Variants in ZNF341 observed in about 807,000 individuals in gnomAD.
ZNF341 encodes the protein zinc finger protein 341.
Under a neutral mutation model 87.7 loss-of-function variants are expected in ZNF341, and 52 were observed. That is an observed-to-expected ratio of 0.59 (90% confidence interval 0.47 to 0.75). ZNF341 has a LOEUF of 0.75. ZNF341 is among the 30% of genes least tolerant of loss of function. The probability of loss-of-function intolerance (pLI) is 0.00; values close to 1 mark genes in which losing one functional copy is unlikely to be tolerated. For missense variants in ZNF341, 977 were observed against 1,145.9 expected (o/e 0.85, Z 2.13); for synonymous variants, 459 against 472.7 (o/e 0.97, Z 0.38).
Position 33,770,234 on chromosome 20 carries a change from C to A in ZNF341, c.1564C>A (p.Gln522Lys), listed in dbSNP as rs904052265. 6.2e-7 allele frequency: 1 copy of A among 1,613,616 alleles called. No individual in the cohort carries two copies. The highest frequency in any genetic ancestry group is 8.5e-7 in the Non-Finnish European group (1 of 1,179,818). ...CTCGCTGTACGACCTGGGCGTGCAC[C>A]AGTACTCCCACAGCCTCCTGCCACA... ...FPSLYDLGVH[Q>K]YSHSLLPQHS... The change falls in exon 10 of 15, where the codon CAG becomes AAG. Residue 522 changes from glutamine to lysine, a missense_variant. This residue lies in a region of ZNF341 where 241 missense variants were observed against 335.0 expected (regional missense o/e 0.72). Coordinates refer to ENST00000375200, the MANE Select transcript of ZNF341 (RefSeq NM_001282933.2).
chr20:33,748,335 G>T (rs1310819324), intron 3 of ZNF341, among the ~76,000 whole-genome samples: 2 of 152,214 alleles, frequency 1.3e-5, no homozygotes, highest in African/African-American at 2.4e-5. Flanking sequence ...CTCCCAAAGT[G>T]CTGGGATTAC....
intron 1 of ZNF341, among the ~76,000 whole-genome samples, chr20:33,739,233 G>T (rs2018754056): frequency 6.6e-6 from 1 of 152,202 alleles, no homozygotes; most frequent in South Asian, 2.1e-4. Context: ...CTCCCAAAGT[G>T]CTGGAATTAC....
At chr20:33,738,329 T>C (rs906444873) in intron 1 of ZNF341, among the ~76,000 whole-genome samples, 3 of 152,070 alleles carry the variant, frequency 2.0e-5, no homozygotes, top group Non-Finnish European at 4.4e-5. Flanking sequence ...AAGTTGCAAA[T>C]CTTGTGATCT....
At chr20:33,758,879 C>T (rs1296164864) in intron 7 of ZNF341, 73 bp downstream of exon 7, 1 of 1,296,644 alleles carries the variant, frequency 7.7e-7, no homozygotes, top group Non-Finnish European at 1.1e-6. Flanking sequence ...AAGCGAGACT[C>T]CCTTCTCAGC....
chr20:33,770,197 C>G lies in ZNF341; in HGVS notation c.1527C>G (p.Gly509=), dbSNP rs1168107155. 1.2e-6 allele frequency: 2 copies of G among 1,614,046 alleles called. No homozygotes were observed. The highest frequency in any genetic ancestry group is 1.7e-6 in the Non-Finnish European group (2 of 1,180,038). ...EELSYRCHLC[G]KDFPSLYDLG... is the part of the protein sequence containing the mutation. ...TGAGCTACCGCTGCCACCTCTGCGG[C>G]AAGGACTTCCCCTCGCTGTACGACC... is the stretch of plus-strand genomic sequence containing the variant. Residue 509 remains glycine (G), a synonymous_variant, in exon 10 of 15, where the codon GGC becomes GGG. Coordinates refer to ENST00000375200, the MANE Select transcript of ZNF341 (RefSeq NM_001282933.2).
At chr20:33,746,711 C>T (rs535860022) in intron 3 of ZNF341, among the ~76,000 whole-genome samples, 5 of 152,162 alleles carry the variant, frequency 3.3e-5, no homozygotes, top group East Asian at 1.9e-4. Context: ...GCAGTGGATG[C>T]GGGTAGCTTG....
At chr20:33,773,419 G>A (rs1288092268) in intron 10 of ZNF341, among the ~76,000 whole-genome samples, 1 of 152,166 alleles carries the variant, frequency 6.6e-6, no homozygotes, top group African/African-American at 2.4e-5. Context: ...CAATGAGCCA[G>A]GCCCCCATTT....
intron 10 of ZNF341, among the ~76,000 whole-genome samples, chr20:33,774,517 A>C (rs2019592863): frequency 6.6e-6 from 1 of 152,246 alleles, no homozygotes; most frequent in East Asian, 1.9e-4. Context: ...AGATATAAAT[A>C]TCACAGACTA....
intron 10 of ZNF341, among the ~76,000 whole-genome samples, 166 bp from the exon 11 acceptor site, chr20:33,781,125 A>G (rs1208720584): frequency 6.6e-6 from 1 of 152,192 alleles, no homozygotes; most frequent in Non-Finnish European, 1.5e-5. Flanking sequence ...ACAAGAGATG[A>G]TGGCGCTCAG....
intron 3 of ZNF341, among the ~76,000 whole-genome samples, chr20:33,746,647 G>C (rs1038785599): frequency 6.6e-6 from 1 of 152,164 alleles, no homozygotes; most frequent in African/African-American, 2.4e-5. Flanking sequence ...GGTTTTGAGG[G>C]AGGGTGAGAG....
intron 2 of ZNF341, among the ~76,000 whole-genome samples, chr20:33,742,645 A>T (rs2018826460): frequency 6.6e-6 from 1 of 151,642 alleles, no homozygotes; most frequent in Non-Finnish European, 1.5e-5. Context: ...AAAAAAAAAA[A>T]ATAGAGATAG....
rs778670229 is a variant in ZNF341, at chr20:33,753,182, A to G, written c.500A>G (p.Asn167Ser). 6.8e-6 allele frequency: 11 copies of G among 1,611,954 alleles called. No individual in the cohort carries two copies. In the East Asian group the frequency reaches 1.8e-4, roughly 26 times the overall value. The change falls in exon 5 of 15, where the codon AAC becomes AGC. Residue 167 changes from asparagine to serine, a missense_variant. Physicochemically the swap from Asn to Ser is conservative, Grantham distance 46. Coordinates refer to ENST00000375200, the MANE Select transcript of ZNF341 (RefSeq NM_001282933.2). ...QGPPPVQSSL[N>S]MHSVPSYLTQ... Reference sequence around the variant, plus strand: ...CTTTTCTGATTTCAGAGCAGCCTGAACATGCATTCCGTGCCCAGCTACCTC... The same window carrying G: ...CTTTTCTGATTTCAGAGCAGCCTGAGCATGCATTCCGTGCCCAGCTACCTC...
chr20:33,776,419 A>G (rs924752053), intron 10 of ZNF341, among the ~76,000 whole-genome samples: 1 of 141,364 alleles, frequency 7.1e-6, no homozygotes, highest in African/African-American at 2.6e-5. Context: ...ACAGGATCTC[A>G]CTCTGTCACC....
At chr20:33,783,074 A>G (rs2019775952) in intron 11 of ZNF341, among the ~76,000 whole-genome samples, 1 of 152,108 alleles carries the variant, frequency 6.6e-6, no homozygotes. Flanking sequence ...GAATCGCTTG[A>G]ACCTGGGAGG....
Position 33,732,138 on chromosome 20 carries a change from G to A in ZNF341, c.31+86G>A. ...CCTCGCAGCGCCCGGCCTAGGGCGC[G>A]CAGCGGCCGCGGGGCGGAGGGCGCC... On this transcript the variant is annotated intron_variant, in intron 1 of 14. Coordinates refer to ENST00000375200, the MANE Select transcript of ZNF341 (RefSeq NM_001282933.2). The surrounding 1 kb of genome is among the most constrained non-coding windows in gnomAD (Gnocchi z 4.5). 1 of 978,580 alleles carries A rather than the reference G, an allele frequency of 1.0e-6. No homozygotes were observed. Among genetic ancestry groups the A allele is most frequent in the Non-Finnish European group, 1.2e-6 (1 of 818,188 alleles). 60.6% of individuals were successfully genotyped at this position (978,580 alleles called of 1,614,324 possible). A position where few individuals can be genotyped will look rare whatever the true frequency, so the allele number is the denominator to read the frequency against.
chr20:33,770,671 A>T (rs1200326908), intron 10 of ZNF341, among the ~76,000 whole-genome samples: 1 of 152,160 alleles, frequency 6.6e-6, no homozygotes, highest in African/African-American at 2.4e-5. Context: ...AAAGCGGTAC[A>T]CCGGTTCTTA....
rs571280325 is a variant in ZNF341 at position 33,744,905 on chromosome 20, C to T, written c.143-198C>T. Among the ~76,000 whole-genome samples, 276 of 152,152 alleles carry T rather than the reference C, an allele frequency of 1.8e-3. 2 individuals carry two copies. The highest frequency in any genetic ancestry group is 6.3e-3 in the African/African-American group (262 of 41,520). ...CTGTGCCTGGCCACCTGTGTGGCTT[C>T]GAAAACTCCCAGGAAGCACATAGTT... On this transcript the variant is annotated intron_variant, in intron 2 of 14. Transcript: ENST00000375200.
intron 8 of ZNF341, among the ~76,000 whole-genome samples, chr20:33,764,205 T>A (rs1202201772): frequency 6.7e-6 from 1 of 150,232 alleles, no homozygotes. Flanking sequence ...TTTTTGTATT[T>A]TTAGTAGAGA....
chr20:33,733,462 C>G (rs986679408), intron 1 of ZNF341, among the ~76,000 whole-genome samples: 3 of 151,366 alleles, frequency 2.0e-5, no homozygotes, highest in African/African-American at 4.9e-5. Flanking sequence ...TGGACTCGAT[C>G]TCGTGACCTC....
Sources: gnomAD v4.1 joint callset for allele counts (sites outside exome capture counted in the v4.1 genomes callset) on GRCh38, gnomAD v4.1.1 for gene constraint, gnomAD v4.1.1 regional missense constraint, Gnocchi (gnomAD v3.1) non-coding constraint, MANE v1.5 for transcripts, NCBI Gene and HGNC (gene_info 2026-07-23, HGNC 2026-07-21) for gene names.